The following PDE4D variants were observed in gnomAD, a reference collection of about 807,000 sequenced individuals.
PDE4D encodes the protein phosphodiesterase 4D.
In PDE4D, 24 loss-of-function variants were observed where a neutral mutation model predicts 87.4. That is an observed-to-expected ratio of 0.27 (90% CI 0.20 to 0.39). The LOEUF is 0.39. Among genes scored for constraint, PDE4D ranks in the 10% least tolerant of loss-of-function variants. The probability of loss-of-function intolerance (pLI) is 1.00; values close to 1 mark genes in which losing one functional copy is unlikely to be tolerated. For missense variants in PDE4D, 714 were observed against 1,041.0 expected (o/e 0.69, Z 4.32); for synonymous variants, 384 against 383.2 (o/e 1.00, Z -0.02).
At chr5:59,229,285 G>T (rs1286463085) in intron 1 of PDE4D, among the ~76,000 whole-genome samples, 1 of 152,028 alleles carries the variant, frequency 6.6e-6, no homozygotes, top group East Asian at 1.9e-4. Flanking sequence ...TTCTATACCG[G>T]TTATCATTTA....
intron 1 of PDE4D, among the ~76,000 whole-genome samples, chr5:60,194,479 A>G (rs113108925): frequency 0.014 from 2,120 of 151,736 alleles, 75 homozygotes; most frequent in Middle Eastern, 0.027. Flanking sequence ...TTTCCCAAAC[A>G]TGACTGCATA....
chr5:60,287,155 G>A (rs145168431), intron 1 of PDE4D, among the ~76,000 whole-genome samples: 1 of 152,310 alleles, frequency 6.6e-6, no homozygotes, highest in Non-Finnish European at 1.5e-5. Context: ...ACTCTAGACA[G>A]CACAGACGGA....
chr5:59,875,243 C>T (rs1371459494), intron 1 of PDE4D, among the ~76,000 whole-genome samples: 4 of 151,944 alleles, frequency 2.6e-5, no homozygotes, highest in South Asian at 2.1e-4. Flanking sequence ...GGGCGGATCA[C>T]GAGGTCAAGA....
chr5:59,170,041 C>A (rs1376405035), intron 5 of PDE4D, among the ~76,000 whole-genome samples: 1 of 152,134 alleles, frequency 6.6e-6, no homozygotes, highest in African/African-American at 2.4e-5. Flanking sequence ...GGTAGCTTTT[C>A]TTACTCTGAG....
At chr5:60,164,231 A>T (rs1232311780) in intron 2 of PDE4D, among the ~76,000 whole-genome samples, 2 of 152,184 alleles carry the variant, frequency 1.3e-5, no homozygotes, top group African/African-American at 4.8e-5. Context: ...AATTATCAAT[A>T]ATAATTCTAA....
intron 1 of PDE4D, among the ~76,000 whole-genome samples, chr5:60,498,498 A>G (rs1018534579): frequency 1.3e-5 from 2 of 152,104 alleles, no homozygotes; most frequent in Non-Finnish European, 2.9e-5. Flanking sequence ...CAGTCCCAGA[A>G]CTTGTACAAA....
At chr5:59,728,166 T>C (rs1045601243) in intron 1 of PDE4D, among the ~76,000 whole-genome samples, 7 of 152,224 alleles carry the variant, frequency 4.6e-5, no homozygotes, top group Admixed American at 3.3e-4. Context: ...GTTAAATGTC[T>C]TTCCCAGGTC....
At chr5:59,202,212 T>C (rs2153495360) in intron 2 of PDE4D, among the ~76,000 whole-genome samples, 1 of 152,032 alleles carries the variant, frequency 6.6e-6, no homozygotes, top group East Asian at 1.9e-4. Context: ...GCTAATTTTT[T>C]TGTATTTTTA....
chr5:60,426,028 G>A (rs1273826696), intron 1 of PDE4D, among the ~76,000 whole-genome samples: 3 of 152,292 alleles, frequency 2.0e-5, no homozygotes, highest in Middle Eastern at 3.4e-3. Context: ...AAAAAGTCAG[G>A]AAACAACAGA....
intron 1 of PDE4D, among the ~76,000 whole-genome samples, chr5:59,848,659 G>A (rs1198413064): frequency 6.6e-6 from 1 of 151,904 alleles, no homozygotes; most frequent in African/African-American, 2.4e-5. Flanking sequence ...AGTGAGTAAA[G>A]CACATCAAAA....
chr5:60,070,773 G>C (rs935622640), intron 2 of PDE4D, among the ~76,000 whole-genome samples: 12 of 151,832 alleles, frequency 7.9e-5, no homozygotes, highest in Admixed American at 4.6e-4. Context: ...TTCTTTAAAC[G>C]TTTGTTAGAA....
rs371104459 is a variant in PDE4D, at chr5:59,811,342, A to G, written c.455+81826T>C. On this transcript the variant is annotated intron_variant, in intron 1 of 14. Transcript: ENST00000340635. ...AAGCTACTTTTCCCACCTCTGTTCA[A>G]TTGATTTCGGAAAGAGATGCACATA... is the stretch of plus-strand genomic sequence containing the variant. Among the ~76,000 whole-genome samples the G allele has an allele frequency of 3.9e-5, 6 of 152,288 alleles. No homozygotes were observed. In the East Asian group the frequency reaches 5.8e-4, roughly 15 times the overall value.
intron 1 of PDE4D, among the ~76,000 whole-genome samples, chr5:60,329,150 T>A (rs1289870910): frequency 1.3e-5 from 2 of 151,470 alleles, no homozygotes; most frequent in East Asian, 1.9e-4. Context: ...ATTAATGTGG[T>A]TTAGTGGTGT....
intron 1 of PDE4D, among the ~76,000 whole-genome samples, chr5:59,534,701 A>C (rs535059205): frequency 6.6e-6 from 1 of 152,166 alleles, no homozygotes; most frequent in Admixed American, 6.5e-5. Context: ...TTGGTAGGCA[A>C]TGGAGAGCCA....
At chr5:59,016,390 C>CTTTT (rs35622981) in intron 6 of PDE4D, among the ~76,000 whole-genome samples, 149 of 78,492 alleles carry the variant, frequency 1.9e-3, no homozygotes, top group Middle Eastern at 8.3e-3. Flanking sequence ...TCAGTCTGTT[C>CTTTT]TTTTTTTTTT....
intron 1 of PDE4D, among the ~76,000 whole-genome samples, chr5:59,794,438 C>T (rs1766217003): frequency 6.6e-6 from 1 of 152,106 alleles, no homozygotes; most frequent in Admixed American, 6.5e-5. Flanking sequence ...TGAGGCACGA[C>T]ATCCCTGGTG....
intron 1 of PDE4D, among the ~76,000 whole-genome samples, chr5:59,308,701 T>G (rs1771927518): frequency 6.6e-6 from 1 of 151,948 alleles, no homozygotes; most frequent in Admixed American, 6.6e-5. Context: ...GGTTCTTAGC[T>G]TTCGTGGTTT....
intron 5 of PDE4D, among the ~76,000 whole-genome samples, chr5:59,140,959 G>T (rs10069146): frequency 0.14 from 20,705 of 152,160 alleles, 1,527 homozygotes; most frequent in African/African-American, 0.15. Flanking sequence ...GCATACAAGT[G>T]CTACTTTTAA....
chr5:60,008,609 GGGAGAAGCAACATAA>G (rs753780230), intron 2 of PDE4D, among the ~76,000 whole-genome samples: 17 of 151,864 alleles, frequency 1.1e-4, no homozygotes, highest in Admixed American at 2.0e-4. Context: ...CTCTAGCTAT[GGGAGAAGCAACATAA>G]ATTTACAGCC....
Sources: gnomAD v4.1 joint callset for allele counts (sites outside exome capture counted in the v4.1 genomes callset) on GRCh38, gnomAD v4.1.1 for gene constraint, MANE v1.5 for transcripts, NCBI Gene and HGNC (gene_info 2026-07-23, HGNC 2026-07-21) for gene names.